Variants in ST8SIA1 observed in about 807,000 individuals in gnomAD.
ST8SIA1 encodes alpha-N-acetylneuraminide alpha-2,8-sialyltransferase.
A neutral mutation model predicts 35.9 loss-of-function variants in ST8SIA1; 16 were observed. The observed-to-expected ratio is 0.45, with a 90% CI of 0.30 to 0.68. The LOEUF is 0.68. ST8SIA1 is among the 30% of genes least tolerant of loss of function. The pLI is 0.09. For missense variants in ST8SIA1, 383 were observed against 453.6 expected (o/e 0.84, Z 1.41); for synonymous variants, 170 against 169.6 (o/e 1.00, Z -0.02).
intron 1 of ST8SIA1, among the ~76,000 whole-genome samples, chr12:22,323,741 A>T (rs1866635642): frequency 6.6e-6 from 1 of 152,236 alleles, no homozygotes; most frequent in African/African-American, 2.4e-5. Context: ...TATTCTCAGC[A>T]AAGTAACCCA....
intron 4 of ST8SIA1, among the ~76,000 whole-genome samples, chr12:22,218,612 A>AAATAAATAAATAAATAAATAAAT (rs1865261279): frequency 7.2e-6 from 1 of 139,274 alleles, no homozygotes; most frequent in South Asian, 2.5e-4. Flanking sequence ...AGCGAGACTC[A>AAATAAATAAATAAATAAATAAAT]AAATAAATAA....
chr12:22,223,706 TTTG>T (rs1865326364), intron 4 of ST8SIA1: 2 of 1,242,282 alleles, frequency 1.6e-6, no homozygotes, highest in Non-Finnish European at 2.1e-6. Context: ...TCATTTGGCT[TTTG>T]GAGCTGTTTT....
chr12:22,318,164 T>TA (rs541784648), intron 1 of ST8SIA1, among the ~76,000 whole-genome samples: 4 of 152,028 alleles, frequency 2.6e-5, no homozygotes, highest in South Asian at 4.1e-4. Context: ...ATTATTTTAA[T>TA]AAAAAAAATA....
intron 3 of ST8SIA1, chr12:22,250,935 A>T (rs1368929810): frequency 6.6e-6 from 1 of 152,264 alleles, no homozygotes; most frequent in African/African-American, 2.4e-5. Flanking sequence ...GTGGAGCCCA[A>T]GTCAGAGAAC....
intron 4 of ST8SIA1, among the ~76,000 whole-genome samples, chr12:22,216,090 A>G (rs976729750): frequency 8.1e-4 from 124 of 152,198 alleles, no homozygotes; most frequent in Non-Finnish European, 1.0e-3. Context: ...GTAGTTTATC[A>G]TGGCAGTTGG....
intron 4 of ST8SIA1, among the ~76,000 whole-genome samples, chr12:22,229,913 A>G (rs534546561): frequency 4.1e-4 from 63 of 152,318 alleles, no homozygotes; most frequent in Non-Finnish European, 5.6e-4. Context: ...AAGGAAAACC[A>G]ACAAAGGAAG....
intron 2 of ST8SIA1, among the ~76,000 whole-genome samples, chr12:22,285,362 T>C (rs901534368): frequency 1.3e-5 from 2 of 152,182 alleles, no homozygotes; most frequent in Non-Finnish European, 2.9e-5. Flanking sequence ...GAACCACCCT[T>C]TGGCTCCCAT....
At chr12:22,318,329 C>T (rs139740793) in intron 1 of ST8SIA1, among the ~76,000 whole-genome samples, 2 of 152,174 alleles carry the variant, frequency 1.3e-5, no homozygotes, top group African/African-American at 2.4e-5. Flanking sequence ...AGTCTCCACA[C>T]GATTCATTGC....
intron 1 of ST8SIA1, among the ~76,000 whole-genome samples, chr12:22,296,212 G>T (rs751121164): frequency 4.6e-5 from 7 of 152,170 alleles, no homozygotes; most frequent in African/African-American, 1.7e-4. Context: ...GGTGTATTGG[G>T]GGAGAGGCTC....
At chr12:22,244,971 A>G (rs35516385) in intron 4 of ST8SIA1, among the ~76,000 whole-genome samples, 19,360 of 152,130 alleles carry the variant, frequency 0.13, 1,545 homozygotes, top group Middle Eastern at 0.29. Context: ...AATATTTGGG[A>G]GTAGCCTATT....
intron 3 of ST8SIA1, among the ~76,000 whole-genome samples, chr12:22,253,638 C>G (rs1565578707): frequency 6.6e-6 from 1 of 152,084 alleles, no homozygotes; most frequent in Non-Finnish European, 1.5e-5. Context: ...AGCTCAAGGC[C>G]CATATGTCAT....
At chr12:22,331,783 G>T (rs1038323111) in intron 1 of ST8SIA1, among the ~76,000 whole-genome samples, 1 of 152,132 alleles carries the variant, frequency 6.6e-6, no homozygotes, top group African/African-American at 2.4e-5. Flanking sequence ...CTGGGGAGAG[G>T]GGTAGGGACC....
At chr12:22,272,074 T>A (rs905044352) in intron 2 of ST8SIA1, among the ~76,000 whole-genome samples, 2 of 152,336 alleles carry the variant, frequency 1.3e-5, no homozygotes, top group South Asian at 4.1e-4. Context: ...AGCCCAAATC[T>A]TTATCTTCTA....
chr12:22,283,563 A>G (rs1034623946), intron 2 of ST8SIA1, among the ~76,000 whole-genome samples: 1 of 152,208 alleles, frequency 6.6e-6, no homozygotes, highest in Admixed American at 6.5e-5. Context: ...AAACACGCAC[A>G]CATACATCGC....
At chr12:22,270,861 T>C (rs543111981) in intron 2 of ST8SIA1, among the ~76,000 whole-genome samples, 11 of 152,338 alleles carry the variant, frequency 7.2e-5, no homozygotes, top group Admixed American at 3.3e-4. Context: ...AAGAAACTTT[T>C]GTAGGAGTCG....
intron 3 of ST8SIA1, among the ~76,000 whole-genome samples, chr12:22,250,167 A>G (rs1199995997): frequency 1.3e-5 from 2 of 152,252 alleles, no homozygotes; most frequent in Non-Finnish European, 2.9e-5. Context: ...ATGAATGCTT[A>G]CAATGGGAAA....
intron 1 of ST8SIA1, among the ~76,000 whole-genome samples, chr12:22,306,965 T>G (rs1866391696): frequency 1.3e-5 from 2 of 152,184 alleles, no homozygotes; most frequent in South Asian, 4.1e-4. Context: ...AAAGTCTTTC[T>G]TGGCTTCAAA....
intron 1 of ST8SIA1, among the ~76,000 whole-genome samples, chr12:22,305,820 A>AT (rs1272616901): frequency 6.6e-6 from 1 of 152,202 alleles, no homozygotes; most frequent in Non-Finnish European, 1.5e-5. Context: ...TGCTTGGGTA[A>AT]TTTTTAATAA....
chr12:22,225,800 C>A (rs1591828324), intron 4 of ST8SIA1, among the ~76,000 whole-genome samples: 1 of 152,126 alleles, frequency 6.6e-6, no homozygotes, highest in Admixed American at 6.6e-5. Flanking sequence ...AAACAAGAAC[C>A]ACTGTTTGCT....
Sources: allele counts gnomAD v4.1 joint callset (sites outside exome capture counted in the v4.1 genomes callset), GRCh38; gene constraint gnomAD v4.1.1; transcripts MANE v1.5; gene names NCBI Gene and HGNC (gene_info 2026-07-23, HGNC 2026-07-21).